The following ZNF438 variants were observed in gnomAD, a reference collection of about 807,000 sequenced individuals.
ZNF438 encodes the protein zinc finger protein 438.
Under a neutral mutation model 38.0 loss-of-function variants are expected in ZNF438, and 25 were observed. The ratio of observed to expected loss-of-function variants is 0.66; its 90% CI spans 0.48 to 0.92. The LOEUF (loss-of-function observed/expected upper bound fraction) is 0.92, where lower values mean the gene tolerates loss of function less well. ZNF438 is among the 40% of genes least tolerant of loss of function. ZNF438 has a pLI of 0.00. For missense variants in ZNF438, 1,007 were observed against 999.6 expected, an observed-to-expected ratio of 1.01 and a Z score of -0.10; for synonymous variants, 372 against 364.1, an observed-to-expected ratio of 1.02 and a Z score of -0.25.
At chr10:30,875,817 C>T (rs748536941) in intron 4 of ZNF438, among the ~76,000 whole-genome samples, 2 of 152,244 alleles carry the variant, frequency 1.3e-5, no homozygotes, top group African/African-American at 2.4e-5. Flanking sequence ...CTTCCAAGGC[C>T]ATTAGGCATC....
chr10:30,943,742 A>G (rs572770581), intron 1 of ZNF438, among the ~76,000 whole-genome samples: 1 of 152,266 alleles, frequency 6.6e-6, no homozygotes, highest in African/African-American at 2.4e-5. Flanking sequence ...TAAGAAAAGG[A>G]ACTAAGGAAC....
chr10:30,909,605 C>T (rs2042894549), intron 2 of ZNF438, among the ~76,000 whole-genome samples: 1 of 152,124 alleles, frequency 6.6e-6, no homozygotes, highest in Admixed American at 6.5e-5. Context: ...TATCATATGG[C>T]CTCTTGATGA....
At chr10:30,993,245 T>C (rs2053687654) in intron 1 of ZNF438, among the ~76,000 whole-genome samples, 1 of 152,212 alleles carries the variant, frequency 6.6e-6, no homozygotes, top group Admixed American at 6.5e-5. Flanking sequence ...ATTTCACACA[T>C]CTTCAAAGCT....
chr10:30,917,500 AC>A (rs2043784475), intron 2 of ZNF438, among the ~76,000 whole-genome samples: 1 of 152,066 alleles, frequency 6.6e-6, no homozygotes, highest in Admixed American at 6.6e-5. Context: ...CTGATTTTAG[AC>A]AGTATGGTGG....
At chr10:30,966,468 A>G (rs983654899) in intron 1 of ZNF438, among the ~76,000 whole-genome samples, 2 of 152,116 alleles carry the variant, frequency 1.3e-5, no homozygotes, top group Non-Finnish European at 2.9e-5. Context: ...CAGGGGCTCA[A>G]GACCATCCTG....
chr10:31,022,513 G>C (rs757298433), intron 1 of ZNF438, among the ~76,000 whole-genome samples: 8 of 151,974 alleles, frequency 5.3e-5, no homozygotes, highest in Non-Finnish European at 1.2e-4. Flanking sequence ...CACCCACCTC[G>C]GCCTCCCAAA....
intron 1 of ZNF438, among the ~76,000 whole-genome samples, chr10:31,018,672 A>C (rs149095523): frequency 1.3e-5 from 2 of 152,246 alleles, no homozygotes; most frequent in Non-Finnish European, 2.9e-5. Context: ...GATGCCAAAA[A>C]CCAGTGGCTA....
intron 1 of ZNF438, among the ~76,000 whole-genome samples, chr10:31,010,323 C>T (rs1170209492): frequency 1.3e-5 from 2 of 152,132 alleles, no homozygotes; most frequent in Non-Finnish European, 2.9e-5. Flanking sequence ...ATAATAGCTC[C>T]ACTGAACAAA....
Position 30,852,813 on chromosome 10 carries a change from C to T in ZNF438, c.38-2446G>A, listed in dbSNP as rs75287548. 4.4e-3 allele frequency among the ~76,000 whole-genome samples: 676 copies of T among 152,234 alleles called. 4 individuals are homozygous for T. The highest frequency in any genetic ancestry group is 6.0e-3 in the Non-Finnish European group (405 of 68,010). On this transcript the variant is annotated intron_variant, in intron 4 of 5. Transcript: ENST00000413025. ...TTGTTTTCCTTCTGAGTTTGGTTAC[C>T]GTGAATTCCGCTTATGGGTAAATTG...
intron 4 of ZNF438, among the ~76,000 whole-genome samples, chr10:30,856,802 A>T (rs540089011): frequency 4.6e-5 from 7 of 152,238 alleles, no homozygotes; most frequent in Non-Finnish European, 1.0e-4. Context: ...CAACAGGAAT[A>T]CTTAATATTA....
chr10:30,967,109 G>C (rs577557839), intron 1 of ZNF438, among the ~76,000 whole-genome samples: 1 of 152,304 alleles, frequency 6.6e-6, no homozygotes, highest in Non-Finnish European at 1.5e-5. Context: ...ATTGGCAAAA[G>C]TACTCCTTTT....
chr10:30,880,730 C>T (rs368999376), intron 3 of ZNF438, among the ~76,000 whole-genome samples: 2 of 152,074 alleles, frequency 1.3e-5, no homozygotes, highest in South Asian at 2.1e-4. Context: ...CTCATAAGCA[C>T]AGATGCAAAA....
At chr10:30,977,760 G>A (rs1032376448) in intron 1 of ZNF438, among the ~76,000 whole-genome samples, 6 of 152,000 alleles carry the variant, frequency 3.9e-5, no homozygotes, top group Admixed American at 1.3e-4. Context: ...CGAGGCTAGC[G>A]GATCGCAAGG....
chr10:30,954,840 T>A (rs113410819), intron 1 of ZNF438, among the ~76,000 whole-genome samples: 27 of 152,230 alleles, frequency 1.8e-4, no homozygotes, highest in African/African-American at 6.0e-4. Context: ...ACTCTCAAAT[T>A]TCTACAGGCA....
intron 3 of ZNF438, among the ~76,000 whole-genome samples, chr10:30,899,732 G>A (rs532028036): frequency 4.0e-5 from 6 of 151,402 alleles, no homozygotes; most frequent in African/African-American, 1.5e-4. Flanking sequence ...TAATACTCTA[G>A]TGAATATGTA....
intron 4 of ZNF438, among the ~76,000 whole-genome samples, chr10:30,865,426 A>C (rs2036267903): frequency 6.7e-6 from 1 of 149,680 alleles, no homozygotes; most frequent in Non-Finnish European, 1.5e-5. Flanking sequence ...AGCAGCGACA[A>C]AGTAATTCTT....
In ZNF438 at chr10:30,962,287, G is replaced by C. The variant is rs1263070354; in HGVS notation, c.-191-20636C>G. ...GACATCAGAATAACTAGTAAAACTT[G>C]TAAGTTACTCACTTTCCTTCTTCCT... is the stretch of plus-strand genomic sequence containing the variant. On this transcript the variant is annotated intron_variant, in intron 1 of 5. Coordinates refer to ENST00000413025, the Ensembl canonical transcript of ZNF438. 2.7e-5 allele frequency among the ~76,000 whole-genome samples: 4 copies of C among 147,112 alleles called. 1 individual carries two copies. The highest frequency in any genetic ancestry group is 2.1e-4 in the Admixed American group (3 of 14,606).
chr10:31,000,051 G>T (rs191376071), intron 1 of ZNF438, among the ~76,000 whole-genome samples: 42 of 152,258 alleles, frequency 2.8e-4, no homozygotes, highest in East Asian at 1.7e-3. Context: ...TCATTCTCAT[G>T]ACTTTTATGT....
At chr10:30,930,609 C>A (rs1300672278) in intron 2 of ZNF438, among the ~76,000 whole-genome samples, 4 of 151,594 alleles carry the variant, frequency 2.6e-5, no homozygotes, top group Non-Finnish European at 4.4e-5. Flanking sequence ...ACCCTCCTGA[C>A]CAACATGGTG....
Sources: gnomAD v4.1 joint callset for allele counts (sites outside exome capture counted in the v4.1 genomes callset) on GRCh38, gnomAD v4.1.1 for gene constraint, MANE v1.5 for transcripts, NCBI Gene and HGNC (gene_info 2026-07-23, HGNC 2026-07-21) for gene names.